PICALM: variants seen among roughly 807,000 people sequenced by gnomAD.
The protein encoded by PICALM is phosphatidylinositol-binding clathrin assembly protein.
Under a neutral mutation model 80.5 loss-of-function variants are expected in PICALM, and 40 were observed. That is an observed-to-expected ratio of 0.50 (90% CI 0.39 to 0.65). The LOEUF is 0.65. Ranked by LOEUF, PICALM falls within the 30% of genes least tolerant of loss-of-function variation. The pLI, the probability that PICALM is intolerant of heterozygous loss-of-function variation, is 0.00. For missense variants in PICALM, 676 were observed against 778.9 expected, an observed-to-expected ratio of 0.87 and a Z score of 1.57; for synonymous variants, 288 against 260.3, an observed-to-expected ratio of 1.11 and a Z score of -1.02.
chr11:86,048,995 A>G (rs1174468826), intron 1 of PICALM, among the ~76,000 whole-genome samples: 1 of 150,880 alleles, frequency 6.6e-6, no homozygotes, highest in East Asian at 2.0e-4. Context: ...GTGACCACGT[A>G]AAGAACAAAT....
At chr11:86,027,553 A>G (rs969142344) in intron 2 of PICALM, among the ~76,000 whole-genome samples, 7 of 149,366 alleles carry the variant, frequency 4.7e-5, no homozygotes, top group Non-Finnish European at 1.0e-4. Context: ...GCTGGAGTAC[A>G]GTGGTGTGAT....
intron 8 of PICALM, among the ~76,000 whole-genome samples, chr11:86,003,977 T>C (rs1253581462): frequency 6.6e-6 from 1 of 152,204 alleles, no homozygotes; most frequent in African/African-American, 2.4e-5. Context: ...ATGGAACAAC[T>C]GGAACTCTCA....
chr11:86,027,922 AAT>A (rs1225809085), intron 2 of PICALM, among the ~76,000 whole-genome samples: 1 of 152,216 alleles, frequency 6.6e-6, no homozygotes, highest in African/African-American at 2.4e-5. Flanking sequence ...ATTATCCTAA[AAT>A]AGTGTTTCAA....
intron 19 of PICALM, among the ~76,000 whole-genome samples, chr11:85,962,192 G>GACTCCCC (rs1308387651): frequency 6.6e-6 from 1 of 152,136 alleles, no homozygotes; most frequent in Non-Finnish European, 1.5e-5. Context: ...CTACTGGAAA[G>GACTCCCC]ACTCCCCCTC....
intron 2 of PICALM, among the ~76,000 whole-genome samples, chr11:86,027,500 A>ATT (rs747834494): frequency 7.1e-6 from 1 of 140,332 alleles, no homozygotes; most frequent in African/African-American, 2.6e-5. Flanking sequence ...TGAAATCAGT[A>ATT]TTTTTTTTTT....
intron 4 of PICALM, among the ~76,000 whole-genome samples, chr11:86,015,373 T>A (rs2095465097): frequency 6.6e-6 from 1 of 152,190 alleles, no homozygotes; most frequent in African/African-American, 2.4e-5. Context: ...AGTTAAACAC[T>A]CTGTAGGCCA....
intron 1 of PICALM, among the ~76,000 whole-genome samples, chr11:86,048,605 G>A (rs941842431): frequency 6.6e-6 from 1 of 151,654 alleles, no homozygotes; most frequent in African/African-American, 2.4e-5. Context: ...GGGCTGAGGC[G>A]GGCAGATCAC....
chr11:85,961,709 A>G (rs2093694215), intron 19 of PICALM, among the ~76,000 whole-genome samples: 1 of 152,224 alleles, frequency 6.6e-6, no homozygotes, highest in South Asian at 2.1e-4. Flanking sequence ...TAAGCACAGG[A>G]CTATTACAAA....
At chr11:86,034,124 CATA>C (rs1009371106) in intron 1 of PICALM, among the ~76,000 whole-genome samples, 1 of 152,052 alleles carries the variant, frequency 6.6e-6, no homozygotes, top group Non-Finnish European at 1.5e-5. Context: ...ATTCTTCACA[CATA>C]ATAAAACAGG....
At chr11:86,031,430 A>G (rs777007106) in intron 2 of PICALM, 39 bp downstream of exon 2, 6 of 1,530,992 alleles carry the variant, frequency 3.9e-6, no homozygotes, top group Non-Finnish European at 5.3e-6. Flanking sequence ...ACAATAAGTC[A>G]ACACATCAGT....
At chr11:86,045,519 CAAAAAA>C (rs71040207) in intron 1 of PICALM, among the ~76,000 whole-genome samples, 34 of 47,800 alleles carry the variant, frequency 7.1e-4, no homozygotes, top group Admixed American at 2.5e-3. Context: ...TCTTGAAATT[CAAAAAA>C]AAAAAAAAAA....
chr11:85,981,367 A>C, intron 16 of PICALM, 139 bp from the exon 17 acceptor site: 1 of 596,984 alleles, frequency 1.7e-6, no homozygotes, highest in Non-Finnish European at 2.9e-6. Context: ...GCACTTTGGG[A>C]GGCCAAGGTG....
intron 2 of PICALM, among the ~76,000 whole-genome samples, chr11:86,029,482 T>C (rs531564436): frequency 9.2e-5 from 14 of 152,194 alleles, no homozygotes; most frequent in Non-Finnish European, 1.9e-4. Context: ...CATGAGTTTA[T>C]CAAAAAACAC....
chr11:86,014,700 C>T (rs537746122), intron 5 of PICALM, among the ~76,000 whole-genome samples, 170 bp downstream of exon 5: 2 of 151,986 alleles, frequency 1.3e-5, no homozygotes, highest in Non-Finnish European at 2.9e-5. Flanking sequence ...CCAAAACAGT[C>T]ATAAAAATCA....
intron 12 of PICALM, 126 bp downstream of exon 12, chr11:85,996,700 T>C (rs1240878800): frequency 1.9e-5 from 11 of 592,846 alleles, no homozygotes; most frequent in African/African-American, 7.8e-5. Flanking sequence ...AATTGCTTCA[T>C]TGCCATTTTA....
chr11:86,020,154 TA>T (rs1195485375), intron 4 of PICALM, among the ~76,000 whole-genome samples: 5 of 152,200 alleles, frequency 3.3e-5, no homozygotes, highest in African/African-American at 9.6e-5. Flanking sequence ...CAGCAAAAAT[TA>T]AATGCATCTT....
rs1466684021 is a variant in PICALM at position 86,001,279 on chromosome 11, G to A, written c.894-121C>T. 4 of 880,202 alleles carry A rather than the reference G, an allele frequency of 4.5e-6. No individual in the cohort carries two copies. In the African/African-American group the frequency reaches 5.1e-5, roughly 11 times the overall value. 54.5% of individuals were successfully genotyped at this position (880,202 alleles called of 1,614,324 possible). ...CACTATAATTATAAACTTAACTTCT[G>A]GATTCAAATCCAGTACTTCAGATGA... is the stretch of plus-strand genomic sequence containing the variant. On this transcript the variant is annotated intron_variant, in intron 9 of 19. Coordinates refer to ENST00000393346, the MANE Select transcript of PICALM (RefSeq NM_007166.4).
intron 19 of PICALM, among the ~76,000 whole-genome samples, chr11:85,961,298 T>C (rs2093680931): frequency 6.6e-6 from 1 of 152,250 alleles, no homozygotes; most frequent in Non-Finnish European, 1.5e-5. Context: ...TACACGAAGT[T>C]GTCTCCTGCT....
At chr11:86,059,788 G>A (rs1449365396) in intron 1 of PICALM, among the ~76,000 whole-genome samples, 1 of 151,854 alleles carries the variant, frequency 6.6e-6, no homozygotes, top group Non-Finnish European at 1.5e-5. Flanking sequence ...ATGTGCAAAG[G>A]CTAACGGTTT....
Sources: allele counts gnomAD v4.1 joint callset (sites outside exome capture counted in the v4.1 genomes callset), GRCh38; gene constraint gnomAD v4.1.1; transcripts MANE v1.5; gene names NCBI Gene and HGNC (gene_info 2026-07-23, HGNC 2026-07-21).